The following MYBPC3 variants were observed in gnomAD, a reference collection of about 807,000 sequenced individuals.
MYBPC3 encodes myosin-binding protein C, cardiac-type.
Under a neutral mutation model 159.3 loss-of-function variants are expected in MYBPC3, and 108 were observed. That is an observed-to-expected ratio of 0.68 (90% CI 0.58 to 0.80). MYBPC3 has a LOEUF of 0.80. MYBPC3 is among the 30% of genes least tolerant of loss of function. MYBPC3 has a pLI of 0.00. For synonymous variants in MYBPC3, 730 were observed against 702.0 expected (o/e 1.04, Z -0.63); for missense variants, 1,631 against 1,762.1 (o/e 0.93, Z 1.33).
Position 47,342,012 on chromosome 11 carries a change from A to T in MYBPC3, c.1769T>A (p.Ile590Lys). The T allele has an allele frequency of 6.3e-7, 1 of 1,577,800 alleles. No individual in the cohort carries two copies. Among genetic ancestry groups the T allele is most frequent in the South Asian group, 1.2e-5 (1 of 86,644 alleles). The change falls in exon 18 of 35, where the codon ATA becomes AAA. Residue 590 changes from isoleucine (I) to lysine (K), a missense_variant. Transcript: ENST00000545968. ...NGKELVPDSR[I>K]KVSHIGRVHK... ...TCACCGCCCGATGTGGGACACCTTT[A>T]TGCGGCTGTCGGGCACCAGCTCCTT... is the stretch of plus-strand genomic sequence containing the variant.
chr11:47,347,701 A>G, intron 7 of MYBPC3, 21 bp from the exon 8 acceptor site: 1 of 1,564,990 alleles, frequency 6.4e-7, no homozygotes, highest in Non-Finnish European at 8.7e-7. Flanking sequence ...TAGACTCAGT[A>G]TCCTCACCTG....
At position 47,341,091 on chromosome 11, in the gene MYBPC3, C is replaced by T. The variant is rs11570086; in HGVS notation, c.1897+47G>A. The T allele has an allele frequency of 0.018, 28,105 of 1,565,810 alleles. 280 individuals are homozygous for T. The highest frequency in any genetic ancestry group is 0.021 in the Non-Finnish European group (24,162 of 1,152,376). On this transcript the variant is annotated intron_variant, in intron 19 of 34. Coordinates refer to ENST00000545968, the MANE Select transcript of MYBPC3 (RefSeq NM_000256.3). Reference sequence around the variant, plus strand: ...CAAAGGCAGGGCCCAGTGACAGGGGCTCCTGGCCCCACTGCCCCGACCCAC... The same window carrying T: ...CAAAGGCAGGGCCCAGTGACAGGGGTTCCTGGCCCCACTGCCCCGACCCAC...
chr11:47,340,301 A>G (rs1414175825), intron 20 of MYBPC3, among the ~76,000 whole-genome samples: 5 of 152,122 alleles, frequency 3.3e-5, no homozygotes, highest in Non-Finnish European at 1.5e-5. Flanking sequence ...GCGCGCACAC[A>G]TGCACGCACA....
In MYBPC3 at chr11:47,335,052, C is replaced by T. The variant is rs1057524069; in HGVS notation, c.2895G>A (p.Gln965=). 7 of 1,564,368 alleles carry T rather than the reference C, an allele frequency of 4.5e-6. No individual in the cohort carries two copies. The African/African-American group carries it at 9.5e-5, about 21-fold the overall frequency. The change falls in exon 27 of 35, where the codon CAG becomes CAA. Residue 965 remains glutamine, a synonymous_variant. Transcript: ENST00000545968. The part of the protein sequence containing the change: ...PVTTTEPVTV[Q]EILQRPRLQL... ...CAAAGGGGCACTCACGCAGGATCTCCTGCACTGTCACCGGCTCCGTGGTGG... is the reference window on the plus strand; with the variant it reads ...CAAAGGGGCACTCACGCAGGATCTCTTGCACTGTCACCGGCTCCGTGGTGG...
chr11:47,340,103 CATACACACACACACA>C (rs1182929939), intron 20 of MYBPC3, among the ~76,000 whole-genome samples: 2 of 150,316 alleles, frequency 1.3e-5, no homozygotes, highest in Non-Finnish European at 3.0e-5. Context: ...TTGCCACACA[CATACACACACACACA>C]ATACACACAC....
intron 12 of MYBPC3, among the ~76,000 whole-genome samples, chr11:47,345,216 T>C (rs953827665): frequency 3.9e-5 from 6 of 152,228 alleles, no homozygotes. Context: ...CTTGGTGCCC[T>C]CTGGGCTCAG....
chr11:47,347,148 T>A, intron 9 of MYBPC3, 119 bp from the exon 10 acceptor site: 1 of 1,410,152 alleles, frequency 7.1e-7, no homozygotes. Flanking sequence ...GGACCCTCTC[T>A]CTGTTCCTTC....
chr11:47,341,065 G>C, intron 19 of MYBPC3, 33 bp from the exon 20 acceptor site: 1 of 1,572,056 alleles, frequency 6.4e-7, no homozygotes, highest in South Asian at 1.2e-5. Flanking sequence ...TAGCACGGGG[G>C]CAAAGGCAGG....
chr11:47,349,999 G>A lies in MYBPC3; in HGVS notation c.505+15C>T. ...CCTTCCCACCCCAATGCTGGGCACA[G>A]CAGCTCACACTCACCCACGGTCACC... On this transcript the variant is annotated intron_variant, in intron 4 of 34. Transcript: ENST00000545968. 1.3e-6 allele frequency: 2 copies of A among 1,559,880 alleles called. No homozygotes were observed. Among genetic ancestry groups the A allele is most frequent in the Non-Finnish European group, 1.7e-6 (2 of 1,152,050 alleles).
rs750225859 is a variant in MYBPC3 at position 47,342,709 on chromosome 11, G to T, written c.1493C>A (p.Thr498Asn). ...GTCCTTCTTGAACCGGTATTTGAAGGTCTCCTCCCGGGTCAGCTCCACCCC... is the reference window on the plus strand; with the variant it reads ...GTCCTTCTTGAACCGGTATTTGAAGTTCTCCTCCCGGGTCAGCTCCACCCC... ...KDGVELTREE[T>N]FKYRFKKDGQ... Residue 498 changes from threonine (T) to asparagine (N), a missense_variant, in exon 17 of 35, where the codon ACC becomes AAC. Transcript: ENST00000545968. 1 of 1,613,896 alleles carries T rather than the reference G, an allele frequency of 6.2e-7. No individual in the cohort carries two copies. The highest frequency in any genetic ancestry group is 8.5e-7 in the Non-Finnish European group (1 of 1,179,894).
chr11:47,352,095 G>T (rs141002795), intron 1 of MYBPC3, among the ~76,000 whole-genome samples: 235 of 152,160 alleles, frequency 1.5e-3, no homozygotes, highest in Middle Eastern at 3.4e-3. Context: ...GAGAAGAGGG[G>T]CTGTGTCACC....
rs536744834 is a variant in MYBPC3, at chr11:47,351,440, C to T, written c.91G>A (p.Ala31Thr). The T allele has an allele frequency of 1.2e-6, 2 of 1,609,008 alleles. No homozygotes were observed. The highest frequency in any genetic ancestry group is 4.5e-5 in the East Asian group (2 of 44,732). Residue 31 changes from alanine to threonine, a missense_variant, in exon 2 of 35, where the codon GCC (alanine) becomes ACC (threonine). Transcript: ENST00000545968. The surrounding 1 kb of genome is among the most constrained non-coding windows in gnomAD (Gnocchi z 4.2). ...TTCACTCCTGCCCGCTCTGTCTCGG[C>T]CTCGAACACGGCAGGGCTGCCTGCG... ...VAAGSPAVFE[A>T]ETERAGVKVR... is the part of the protein sequence containing the mutation.
At position 47,335,114 on chromosome 11, in the gene MYBPC3, G is replaced by C; in HGVS notation, c.2833C>G (p.Arg945Gly). Residue 945 changes from arginine (R) to glycine (G), a missense_variant, in exon 27 of 35, where the codon CGG becomes GGG. Physicochemically the swap from Arg to Gly is moderately radical, Grantham distance 125. Transcript: ENST00000545968. ...CCAGGCCCTGCCATATTGTGTGCCC[G>C]CACTCGGAAAAGCAGCCGGGCCCCC... Reference protein sequence around the residue: ...PTGARLLFRVRAHNMAGPGAP... With the variant: ...PTGARLLFRVGAHNMAGPGAP... 6.2e-7 allele frequency: 1 copy of C among 1,611,668 alleles called. No homozygotes were observed. Among genetic ancestry groups the C allele is most frequent in the African/African-American group, 1.3e-5 (1 of 74,926 alleles).
Position 47,347,918 on chromosome 11 carries a change from G to A in MYBPC3, c.773-13C>T, listed in dbSNP as rs1394988381. 1 of 1,571,762 alleles carries A rather than the reference G, an allele frequency of 6.4e-7. No homozygotes were observed. The highest frequency in any genetic ancestry group is 2.4e-5 in the East Asian group (1 of 42,436). On this transcript the variant is annotated splice_polypyrimidine_tract_variant and intron_variant, in intron 6 of 34. Transcript: ENST00000545968. ...GTGCCCATGGCCTCTGGGTTCAAAG[G>A]GTGGAGAGATGGGGGAAGGGGCTTC...
intron 25 of MYBPC3, among the ~76,000 whole-genome samples, chr11:47,336,643 G>A (rs545950320): frequency 6.6e-6 from 1 of 152,216 alleles, no homozygotes; most frequent in East Asian, 1.9e-4. Context: ...CACAGGCCCC[G>A]ATTCCTGCCA....
Position 47,341,984 on chromosome 11 carries a change from C to T in MYBPC3, c.1790+7G>A, listed in dbSNP as rs374852831. 1,769 of 1,555,710 alleles carry T rather than the reference C, an allele frequency of 1.1e-3. 29 individuals carry two copies. The South Asian group carries it at 0.02, about 17-fold the overall frequency. ...ACCTGTCCCATCCACCTGCCCTGCA[C>T]ACTCACCGCCCGATGTGGGACACCT... On this transcript the variant is annotated splice_region_variant and intron_variant, in intron 18 of 34. Transcript: ENST00000545968.
intron 25 of MYBPC3, among the ~76,000 whole-genome samples, chr11:47,336,710 C>T (rs929065172): frequency 1.3e-5 from 2 of 152,174 alleles, no homozygotes; most frequent in African/African-American, 4.8e-5. Flanking sequence ...GCCCTTGCCA[C>T]AGGCAGCTGC....
chr11:47,346,734 C>G lies in MYBPC3; in HGVS notation c.909-90G>C, dbSNP rs1419144633. 7 of 1,346,734 alleles carry G rather than the reference C, an allele frequency of 5.2e-6. No individual in the cohort carries two copies. Among genetic ancestry groups the G allele is most frequent in the African/African-American group, 1.5e-5 (1 of 68,226 alleles). 83.4% of individuals were successfully genotyped at this position (1,346,734 alleles called of 1,614,324 possible). Reference sequence around the variant, plus strand: ...CAAAGACCTGGACCCCACCCATGGGCCTTTACTTCCTCCCTATTTTCCGCA... The same window carrying G: ...CAAAGACCTGGACCCCACCCATGGGGCTTTACTTCCTCCCTATTTTCCGCA... On this transcript the variant is annotated intron_variant, in intron 10 of 34. Coordinates refer to ENST00000545968, the MANE Select transcript of MYBPC3 (RefSeq NM_000256.3). The surrounding 1 kb of genome is among the most constrained non-coding windows in gnomAD (Gnocchi z 5.3).
At chr11:47,345,516 G>T (rs1392969820) in intron 12 of MYBPC3, among the ~76,000 whole-genome samples, 3 of 152,182 alleles carry the variant, frequency 2.0e-5, no homozygotes, top group African/African-American at 7.2e-5. Context: ...CCTCCATTCA[G>T]TCGGTGTTTA....
Sources: gnomAD v4.1 joint callset for allele counts (sites outside exome capture counted in the v4.1 genomes callset) on GRCh38, gnomAD v4.1.1 for gene constraint, Gnocchi (gnomAD v3.1) non-coding constraint, MANE v1.5 for transcripts, NCBI Gene and HGNC (gene_info 2026-07-23, HGNC 2026-07-21) for gene names.